The following BPTF variants were observed in gnomAD, a reference collection of about 807,000 sequenced individuals.
The protein encoded by BPTF is bromodomain PHD finger transcription factor.
In BPTF, 18 loss-of-function variants were observed where a neutral mutation model predicts 292.5. That is an observed-to-expected ratio of 0.06 (90% CI 0.04 to 0.09). The LOEUF (loss-of-function observed/expected upper bound fraction) is 0.09. BPTF is among the 10% of genes least tolerant of loss of function. The pLI is 1.00. For synonymous variants in BPTF, 1,225 were observed against 1,251.9 expected (o/e 0.98, Z 0.45); for missense variants, 2,726 against 3,498.7 (o/e 0.78, Z 5.57).
chr17:67,964,733 G>C (rs1409757139), intron 25 of BPTF, among the ~76,000 whole-genome samples: 1 of 152,168 alleles, frequency 6.6e-6, no homozygotes, highest in Non-Finnish European at 1.5e-5. Context: ...GGGCATGGTG[G>C]CTCATGCCTG....
chr17:67,855,644 A>T (rs1057227942), intron 2 of BPTF, among the ~76,000 whole-genome samples: 1 of 152,132 alleles, frequency 6.6e-6, no homozygotes, highest in African/African-American at 2.4e-5. Context: ...CTCAGGGTTT[A>T]CCTCAGTCAG....
chr17:67,934,117 C>A (rs1177641591), intron 18 of BPTF, among the ~76,000 whole-genome samples: 4 of 151,878 alleles, frequency 2.6e-5, no homozygotes, highest in African/African-American at 9.7e-5. Context: ...ATAGATAAAA[C>A]CTTGATAAAT....
chr17:67,913,985 C>G (rs1170746997), intron 11 of BPTF, among the ~76,000 whole-genome samples: 1 of 152,130 alleles, frequency 6.6e-6, no homozygotes, highest in Non-Finnish European at 1.5e-5. Context: ...CTTGCTTTCT[C>G]CTTTTTCATG....
chr17:67,943,998 T>G (rs76588593), intron 19 of BPTF, 152 bp from the exon 20 acceptor site: 1 of 669,850 alleles, frequency 1.5e-6, no homozygotes, highest in Non-Finnish European at 2.5e-6. Context: ...TAAATATTCT[T>G]ACTTTAGCTT....
chr17:67,881,095 T>C (rs2060372828), intron 4 of BPTF, among the ~76,000 whole-genome samples: 1 of 151,980 alleles, frequency 6.6e-6, no homozygotes, highest in Admixed American at 6.6e-5. Flanking sequence ...ATGACAAAAT[T>C]GTAGTATAAA....
rs940947549 is a variant in BPTF, at chr17:67,910,574, C to T, written c.2993-303C>T. 9.2e-5 allele frequency among the ~76,000 whole-genome samples: 14 copies of T among 152,084 alleles called. No individual in the cohort carries two copies. In the East Asian group the frequency reaches 1.4e-3, roughly 15 times the overall value. On this transcript the variant is annotated intron_variant, in intron 10 of 27. Transcript: ENST00000306378. ...CAGCACTTTGGGAGGCTGAGGTGGGCGGATCACCTGAAGTCAGGAGTTCAA... is the reference window on the plus strand; with the variant it reads ...CAGCACTTTGGGAGGCTGAGGTGGGTGGATCACCTGAAGTCAGGAGTTCAA...
chr17:67,854,254 C>T lies in BPTF; in HGVS notation c.928C>T (p.Leu310=). The change falls in exon 2 of 28, where the codon CTG becomes TTG. Residue 310 remains leucine (L), a synonymous_variant. Transcript: ENST00000306378. The surrounding 1 kb of genome is among the most constrained non-coding windows in gnomAD (Gnocchi z 5.6). ...TSNTTFGPAD[L]KDSVNSTLYF... ...CAATACTACCTTTGGACCTGCTGAT[C>T]TGAAAGATAGCGTTAATTCCACACT... 1 of 1,614,178 alleles carries T rather than the reference C, an allele frequency of 6.2e-7. No individual in the cohort carries two copies. The highest frequency in any genetic ancestry group is 8.5e-7 in the Non-Finnish European group (1 of 1,180,024).
intron 7 of BPTF, among the ~76,000 whole-genome samples, chr17:67,903,172 C>A (rs1386051941): frequency 6.6e-6 from 1 of 152,212 alleles, no homozygotes; most frequent in East Asian, 1.9e-4. Context: ...TGTAAGAAAC[C>A]TGATTTCTGT....
intron 4 of BPTF, among the ~76,000 whole-genome samples, chr17:67,877,627 GT>G (rs943496635): frequency 7.9e-6 from 1 of 127,122 alleles, no homozygotes; most frequent in Non-Finnish European, 1.9e-5. Flanking sequence ...TTTTGGTAAA[GT>G]TTTTTTTTGA....
At chr17:67,916,886 A>G (rs563441996) in intron 11 of BPTF, among the ~76,000 whole-genome samples, 20 of 152,186 alleles carry the variant, frequency 1.3e-4, no homozygotes, top group Middle Eastern at 3.4e-3. Context: ...CTACACCATA[A>G]TCAACCACTA....
At position 67,969,394 on chromosome 17, in the gene BPTF, G is replaced by A. The variant is rs181494866; in HGVS notation, c.8539+2738G>A. Among the ~76,000 whole-genome samples, 1,166 of 140,550 alleles carry A rather than the reference G, an allele frequency of 8.3e-3. 66 individuals carry two copies. Among genetic ancestry groups the A allele is most frequent in the African/African-American group, 0.03 (1,115 of 36,916 alleles). 92.2% of individuals were successfully genotyped at this position (140,550 alleles called of 152,430 possible). The stretch of plus-strand genomic sequence containing the variant: ...TTGAACCTGAGAGGCAGAGGTTGCT[G>A]TGAGACAAGATCGCGCCACTGCACT... On this transcript the variant is annotated intron_variant, in intron 26 of 27. Transcript: ENST00000306378.
chr17:67,940,895 T>A (rs1257420026), intron 19 of BPTF, among the ~76,000 whole-genome samples: 7 of 152,178 alleles, frequency 4.6e-5, no homozygotes, highest in Non-Finnish European at 1.5e-5. Context: ...ACACCAAAAT[T>A]TTATTAGTTG....
At chr17:67,975,707 C>A in intron 26 of BPTF, 65 bp from the exon 27 acceptor site, 2 of 1,425,480 alleles carry the variant, frequency 1.4e-6, no homozygotes, top group Middle Eastern at 1.8e-4. Context: ...GTTAGAACTT[C>A]GGAGAATATT....
chr17:67,958,238 G>C (rs1391592839), intron 23 of BPTF, among the ~76,000 whole-genome samples: 3 of 151,774 alleles, frequency 2.0e-5, no homozygotes, highest in African/African-American at 7.3e-5. Context: ...AGGCTGAGGT[G>C]GGAGGATCAC....
chr17:67,937,411 A>G (rs1414362868), intron 18 of BPTF, among the ~76,000 whole-genome samples: 2 of 151,858 alleles, frequency 1.3e-5, no homozygotes, highest in African/African-American at 4.8e-5. Flanking sequence ...AAGTACTTAG[A>G]AAAACTGAGG....
chr17:67,904,102 C>G (rs929727316), intron 8 of BPTF, among the ~76,000 whole-genome samples, 184 bp downstream of exon 8: 9 of 152,200 alleles, frequency 5.9e-5, no homozygotes, highest in African/African-American at 1.9e-4. Context: ...AATCTTGGCT[C>G]ACTACAGCCT....
intron 17 of BPTF, among the ~76,000 whole-genome samples, 161 bp downstream of exon 17, chr17:67,929,648 G>A (rs1314319137): frequency 3.3e-5 from 5 of 152,170 alleles, no homozygotes; most frequent in East Asian, 1.9e-4. Context: ...TTTCTGATAA[G>A]TGAAAATGAT....
At position 67,926,316 on chromosome 17, in the gene BPTF, CTTTTTTTTTTTTTT is replaced by C. The variant is rs869295387; in HGVS notation, c.5751+1740_5751+1753del. The stretch of plus-strand genomic sequence containing the variant: ...CACTGCATTTGGCCCTAATATACTA[CTTTTTTTTTTTTTT>C]TTTTTTTTTTTTGAGATGGAGTCTC... On this transcript the variant is annotated intron_variant, in intron 15 of 27. Coordinates refer to ENST00000306378, the MANE Select transcript of BPTF (RefSeq NM_182641.4). 7.2e-5 allele frequency among the ~76,000 whole-genome samples: 6 copies of C among 83,852 alleles called. No individual in the cohort carries two copies. The East Asian group carries it at 1.8e-3, about 26-fold the overall frequency. 55.0% of individuals were successfully genotyped at this position (83,852 alleles called of 152,430 possible). A position where few individuals can be genotyped will look rare whatever the true frequency, so the allele number is the denominator to read the frequency against.
At chr17:67,841,360 G>T (rs1423824204) in intron 1 of BPTF, among the ~76,000 whole-genome samples, 1 of 152,146 alleles carries the variant, frequency 6.6e-6, no homozygotes, top group African/African-American at 2.4e-5. Context: ...AGTGAGTCGA[G>T]ATTGCGCCAT....
Sources: allele counts gnomAD v4.1 joint callset (sites outside exome capture counted in the v4.1 genomes callset), GRCh38; gene constraint gnomAD v4.1.1; non-coding constraint Gnocchi (gnomAD v3.1); transcripts MANE v1.5; gene names NCBI Gene and HGNC (gene_info 2026-07-23, HGNC 2026-07-21).